The following ENPP3 variants were observed in gnomAD, a reference collection of about 807,000 sequenced individuals.
The protein encoded by ENPP3 is ectonucleotide pyrophosphatase/phosphodiesterase family member 3.
ENPP3 carries 104 observed loss-of-function variants against 117.8 expected under a neutral mutation model. That is an observed-to-expected ratio of 0.88 (90% CI 0.75 to 1.04). ENPP3 has a LOEUF of 1.04. Among genes scored for constraint, ENPP3 ranks in the 50% least tolerant of loss-of-function variants. The probability of loss-of-function intolerance (pLI) is 0.00; values close to 1 mark genes in which losing one functional copy is unlikely to be tolerated. For missense variants in ENPP3, 1,026 were observed against 1,051.9 expected (o/e 0.98, Z 0.34); for synonymous variants, 380 against 349.9 (o/e 1.09, Z -0.96).
At chr6:131,661,092 T>C (rs994573571) in intron 6 of ENPP3, among the ~76,000 whole-genome samples, 3 of 152,176 alleles carry the variant, frequency 2.0e-5, no homozygotes, top group African/African-American at 4.8e-5. Context: ...TAATATTCCA[T>C]TGTATGTATA....
intron 21 of ENPP3, among the ~76,000 whole-genome samples, chr6:131,735,099 C>G (rs1385462223): frequency 1.3e-5 from 2 of 151,644 alleles, no homozygotes; most frequent in African/African-American, 2.4e-5. Flanking sequence ...AATCCCAGCA[C>G]TTTGGAAGGT....
At chr6:131,640,154 G>C (rs555490772) in intron 1 of ENPP3, among the ~76,000 whole-genome samples, 1 of 152,266 alleles carries the variant, frequency 6.6e-6, no homozygotes, top group South Asian at 2.1e-4. Flanking sequence ...TAGCAAGTTT[G>C]AACAGCAAAA....
At chr6:131,676,319 G>A (rs1778867855) in intron 9 of ENPP3, among the ~76,000 whole-genome samples, 1 of 150,914 alleles carries the variant, frequency 6.6e-6, no homozygotes, top group Non-Finnish European at 1.5e-5. Context: ...TTTATATTAG[G>A]TCTATTGTTT....
chr6:131,737,366 ACAT>A lies in ENPP3; in HGVS notation c.2104_2106del (p.Ser702del). Reference sequence around the variant, plus strand: ...CATTTGTTTTGCAGCCAGCAATAGAACATCAGATAGCCAATATGATGCTTTAAT... The same window carrying A: ...CATTTGTTTTGCAGCCAGCAATAGAACAGATAGCCAATATGATGCTTTAAT... On this transcript the variant is annotated inframe_deletion, in exon 22 of 25. Transcript: ENST00000357639. 7 of 1,608,368 alleles carry A rather than the reference ACAT, an allele frequency of 4.4e-6. No individual in the cohort carries two copies. Among genetic ancestry groups the A allele is most frequent in the Non-Finnish European group, 6.0e-6 (7 of 1,175,910 alleles).
intron 11 of ENPP3, 22 bp downstream of exon 11, chr6:131,677,962 AG>A: frequency 1.3e-6 from 2 of 1,495,200 alleles, no homozygotes; most frequent in Non-Finnish European, 1.9e-6. Context: ...TTTTCTTAAA[AG>A]AAAAAAAAAA....
intron 24 of ENPP3, 97 bp downstream of exon 24, chr6:131,740,477 G>T: frequency 3.4e-6 from 3 of 880,334 alleles, no homozygotes; most frequent in South Asian, 5.4e-5. Context: ...TTTTTTTTAG[G>T]TGTTTCATGG....
intron 15 of ENPP3, among the ~76,000 whole-genome samples, chr6:131,702,203 A>G (rs1779554185): frequency 1.3e-5 from 2 of 152,090 alleles, no homozygotes; most frequent in Admixed American, 1.3e-4. Context: ...TAACTGATAC[A>G]CATGTCAAAG....
At chr6:131,740,168 C>T in intron 23 of ENPP3, 56 bp from the exon 24 acceptor site, 1 of 1,362,248 alleles carries the variant, frequency 7.3e-7, no homozygotes, top group Non-Finnish European at 9.8e-7. Context: ...ACACTTATCA[C>T]CTTTAGAAAC....
At chr6:131,718,600 A>T (rs1244886224) in intron 15 of ENPP3, 72 bp from the exon 16 acceptor site, 1 of 674,834 alleles carries the variant, frequency 1.5e-6, no homozygotes. Flanking sequence ...ACTATATAAA[A>T]TTAGTTAAAT....
Position 131,747,233 on chromosome 6 carries a change from A to G in ENPP3, c.*277A>G, listed in dbSNP as rs1780655926. 1 of 193,156 alleles carries G rather than the reference A, an allele frequency of 5.2e-6. No individual in the cohort carries two copies. Among genetic ancestry groups the G allele is most frequent in the Non-Finnish European group, 1.0e-5 (1 of 96,494 alleles). 12.0% of individuals were successfully genotyped at this position (193,156 alleles called of 1,614,324 possible). A position where few individuals can be genotyped will look rare whatever the true frequency, so the allele number is the denominator to read the frequency against. On this transcript the variant is annotated 3_prime_UTR_variant, in exon 25 of 25. Coordinates refer to ENST00000357639, the MANE Select transcript of ENPP3 (RefSeq NM_005021.5). ...TCTCATGACAGATTATACCTTCCTTATTACTTGTTTTATCTTACTCAGAAT... is the reference window on the plus strand; with the variant it reads ...TCTCATGACAGATTATACCTTCCTTGTTACTTGTTTTATCTTACTCAGAAT...
intron 20 of ENPP3, among the ~76,000 whole-genome samples, chr6:131,729,193 A>C (rs1181092973): frequency 6.6e-6 from 1 of 152,184 alleles, no homozygotes; most frequent in Admixed American, 6.5e-5. Context: ...TCTTTGAAAC[A>C]GGGGCATTAT....
rs1780147095 is a variant in ENPP3 at position 131,726,052 on chromosome 6, CA to C, written c.1807del (p.Thr603GlnfsTer2). ...MLNLTQEEIT[A>X]TVKVNLPFGR... Reference sequence around the variant, plus strand: ...TATGTTATTTTAATTTTAGTAACAGCAACAGTGAAAGTAAATTTGCCATTTG... The same window carrying C: ...TATGTTATTTTAATTTTAGTAACAGCACAGTGAAAGTAAATTTGCCATTTG... On this transcript the variant is annotated frameshift_variant, in exon 20 of 25. Coordinates refer to ENST00000357639, the MANE Select transcript of ENPP3 (RefSeq NM_005021.5). LOFTEE classifies it high-confidence loss of function. The C allele has an allele frequency of 6.2e-7, 1 of 1,607,860 alleles. No homozygotes were observed. Among genetic ancestry groups the C allele is most frequent in the Admixed American group, 1.7e-5 (1 of 59,432 alleles).
chr6:131,719,175 G>A (rs1003769330), intron 16 of ENPP3, among the ~76,000 whole-genome samples: 1 of 152,006 alleles, frequency 6.6e-6, no homozygotes, highest in Admixed American at 6.6e-5. Context: ...AAGAGTAAGA[G>A]TCATTGAGTT....
chr6:131,641,616 A>G (rs1227630382), intron 2 of ENPP3, 86 bp downstream of exon 2: 1 of 833,544 alleles, frequency 1.2e-6, no homozygotes, highest in Non-Finnish European at 2.0e-6. Flanking sequence ...TCCCATCCCA[A>G]GCCTCCTCTG....
At chr6:131,681,469 C>A (rs1778490079) in intron 11 of ENPP3, among the ~76,000 whole-genome samples, 1 of 151,810 alleles carries the variant, frequency 6.6e-6, no homozygotes, top group Non-Finnish European at 1.5e-5. Flanking sequence ...TAAGACATTT[C>A]TTTCCCCAAT....
intron 20 of ENPP3, among the ~76,000 whole-genome samples, chr6:131,728,228 C>T (rs1308184545): frequency 6.6e-6 from 1 of 152,182 alleles, no homozygotes; most frequent in African/African-American, 2.4e-5. Flanking sequence ...GAGTGGCATA[C>T]TCAGGGTCAG....
At chr6:131,650,967 C>T (rs112508647) in intron 3 of ENPP3, among the ~76,000 whole-genome samples, 26,367 of 151,912 alleles carry the variant, frequency 0.17, 2,553 homozygotes, top group East Asian at 0.34. Context: ...TTGCCCAGGC[C>T]GGATTGCAGT....
intron 7 of ENPP3, among the ~76,000 whole-genome samples, chr6:131,673,380 G>GT (rs1375308431): frequency 1.3e-5 from 2 of 152,240 alleles, no homozygotes; most frequent in South Asian, 2.1e-4. Flanking sequence ...GCAAGCTCAT[G>GT]TTTTTTGTGG....
chr6:131,641,469 G>A lies in ENPP3; in HGVS notation c.93G>A (p.Leu31=), dbSNP rs1293727774. ...TTTTGCAATAGGTTCTTCTTGCTTT[G>A]CTGGTGATCATGTCACTTGGATTAG... ...YKIACIVLLA[L]LVIMSLGLGL... is the part of the protein sequence containing the mutation. The change falls in exon 2 of 25, where the codon TTG becomes TTA. Residue 31 remains leucine (L), a synonymous_variant. Coordinates refer to ENST00000357639, the MANE Select transcript of ENPP3 (RefSeq NM_005021.5). 5.6e-6 allele frequency: 9 copies of A among 1,611,006 alleles called. No homozygotes were observed. Among genetic ancestry groups the A allele is most frequent in the Non-Finnish European group, 7.6e-6 (9 of 1,177,858 alleles).
Sources: allele counts gnomAD v4.1 joint callset (sites outside exome capture counted in the v4.1 genomes callset), GRCh38; gene constraint gnomAD v4.1.1; transcripts MANE v1.5; gene names NCBI Gene and HGNC (gene_info 2026-07-23, HGNC 2026-07-21).